Variants in BABAM2 observed in about 807,000 individuals in gnomAD.
The protein encoded by BABAM2 is BRISC and BRCA1-A complex member 2.
In BABAM2, 31 loss-of-function variants were observed where a neutral mutation model predicts 54.7. The observed-to-expected ratio is 0.57, with a 90% CI of 0.43 to 0.77. The LOEUF is 0.77. Among genes scored for constraint, BABAM2 ranks in the 30% least tolerant of loss-of-function variants. The pLI, the probability that BABAM2 is intolerant of heterozygous loss-of-function variation, is 0.00. For synonymous variants in BABAM2, 167 were observed against 162.9 expected (o/e 1.03, Z -0.19); for missense variants, 364 against 455.8 (o/e 0.80, Z 1.83).
intron 7 of BABAM2, among the ~76,000 whole-genome samples, chr2:28,175,045 A>G (rs1409982359): frequency 6.6e-6 from 1 of 152,148 alleles, no homozygotes; most frequent in African/African-American, 2.4e-5. Flanking sequence ...GCCTAAAGCT[A>G]TTGCCACTGA....
At chr2:27,997,969 A>G (rs1367016186) in intron 4 of BABAM2, among the ~76,000 whole-genome samples, 3 of 152,150 alleles carry the variant, frequency 2.0e-5, no homozygotes, top group Admixed American at 6.5e-5. Flanking sequence ...CCTGACCAAC[A>G]TGGTGAAACC....
In BABAM2 at chr2:28,058,578, C is replaced by T. The variant is rs759159824; in HGVS notation, c.570+12779C>T. 3.3e-4 allele frequency among the ~76,000 whole-genome samples: 50 copies of T among 150,638 alleles called. No homozygotes were observed. The Middle Eastern group carries it at 0.011, about 33-fold the overall frequency. On this transcript the variant is annotated intron_variant, in intron 6 of 11. Transcript: ENST00000379624. Reference sequence around the variant, plus strand: ...ATATATATATATGTATATATATAAACATTGTATAATTTTATATACCAGCTG... The same window carrying T: ...ATATATATATATGTATATATATAAATATTGTATAATTTTATATACCAGCTG...
chr2:28,081,270 C>T (rs1177436093), intron 6 of BABAM2, among the ~76,000 whole-genome samples: 1 of 152,126 alleles, frequency 6.6e-6, no homozygotes, highest in East Asian at 1.9e-4. Context: ...CTTCTCACAG[C>T]CCTTTAAGAT....
At chr2:28,139,321 CAAAAAAAAA>C (rs768755922) in intron 7 of BABAM2, among the ~76,000 whole-genome samples, 3 of 87,058 alleles carry the variant, frequency 3.4e-5, no homozygotes, top group Admixed American at 1.4e-4. Flanking sequence ...AACTCCGTCT[CAAAAAAAAA>C]AAAAAAAAAA....
At chr2:28,068,188 A>T (rs1663790876) in intron 6 of BABAM2, among the ~76,000 whole-genome samples, 1 of 152,226 alleles carries the variant, frequency 6.6e-6, no homozygotes, top group African/African-American at 2.4e-5. Context: ...AGACTACCGT[A>T]ATAAAGAATA....
At chr2:28,199,694 GA>G (rs1485308863) in intron 7 of BABAM2, among the ~76,000 whole-genome samples, 8 of 152,172 alleles carry the variant, frequency 5.3e-5, no homozygotes, top group Non-Finnish European at 1.0e-4. Flanking sequence ...AACAGAAAAC[GA>G]ACTTCTGTGG....
chr2:28,152,605 T>C (rs1672162369), intron 7 of BABAM2, among the ~76,000 whole-genome samples: 1 of 152,040 alleles, frequency 6.6e-6, no homozygotes, highest in African/African-American at 2.4e-5. Context: ...TGGAGAGAGC[T>C]CAGGATGAAT....
chr2:28,220,083 G>A (rs1375488936), intron 7 of BABAM2, among the ~76,000 whole-genome samples: 3 of 152,202 alleles, frequency 2.0e-5, no homozygotes, highest in Admixed American at 2.0e-4. Context: ...ACAAGTTTGT[G>A]TGGTAAGATT....
chr2:28,125,545 G>A (rs539148123), intron 6 of BABAM2, among the ~76,000 whole-genome samples: 4 of 151,992 alleles, frequency 2.6e-5, no homozygotes, highest in East Asian at 1.9e-4. Context: ...CACCCACCTC[G>A]GCCTCCCAAA....
chr2:28,241,331 C>T lies in BABAM2; in HGVS notation c.789C>T (p.Tyr263=), dbSNP rs28997579. ...TTGGGTTTCTATTCCAGGTGCAGTA[C>T]GTGATTCAAGGGTATCACAAAAGAA... ...VCHLLTNKVQ[Y]VIQGYHKRRE... The change falls in exon 9 of 12, where the codon TAC becomes TAT. Residue 263 remains tyrosine, a synonymous_variant. Coordinates refer to ENST00000379624, the MANE Select transcript of BABAM2 (RefSeq NM_199191.3). The T allele has an allele frequency of 0.017, 27,945 of 1,613,606 alleles. 286 individuals are homozygous for T. The highest frequency in any genetic ancestry group is 0.021 in the Non-Finnish European group (24,248 of 1,179,566).
At chr2:28,310,507 A>G (rs1283754131) in intron 11 of BABAM2, 3 of 201,676 alleles carry the variant, frequency 1.5e-5, no homozygotes, top group Non-Finnish European at 3.1e-5. Flanking sequence ...TCAGTGGAAA[A>G]CAGTTAGGGC....
chr2:28,093,606 C>T (rs1666347316), intron 6 of BABAM2, among the ~76,000 whole-genome samples: 1 of 152,138 alleles, frequency 6.6e-6, no homozygotes, highest in Non-Finnish European at 1.5e-5. Flanking sequence ...ACGTTAATTT[C>T]CTTGTAGGTT....
chr2:28,284,054 C>G (rs1304146044), intron 10 of BABAM2, among the ~76,000 whole-genome samples: 1 of 152,184 alleles, frequency 6.6e-6, no homozygotes. Flanking sequence ...AGTCAGGCAA[C>G]TCACTCAAGT....
At chr2:28,297,084 TTG>T (rs2148238535) in intron 10 of BABAM2, among the ~76,000 whole-genome samples, 1 of 152,292 alleles carries the variant, frequency 6.6e-6, no homozygotes, top group South Asian at 2.1e-4. Context: ...GCTTCCTAAA[TTG>T]TGACATAGTG....
chr2:28,159,161 A>G (rs1011852952), intron 7 of BABAM2, among the ~76,000 whole-genome samples: 15 of 152,196 alleles, frequency 9.9e-5, no homozygotes, highest in African/African-American at 3.6e-4. Context: ...CATTCAACCA[A>G]CAACATTTAT....
At chr2:28,323,156 G>A (rs12470242) in intron 11 of BABAM2, among the ~76,000 whole-genome samples, 36,346 of 152,174 alleles carry the variant, frequency 0.24, 5,217 homozygotes, top group East Asian at 0.57. Context: ...CCCAAATGCA[G>A]TCCCTTACCC....
intron 7 of BABAM2, among the ~76,000 whole-genome samples, chr2:28,146,891 C>T (rs1671540929): frequency 1.3e-5 from 2 of 152,114 alleles, no homozygotes; most frequent in South Asian, 2.1e-4. Flanking sequence ...TTCAGGACCC[C>T]CGAAGGGAGT....
intron 11 of BABAM2, chr2:28,308,289 C>T (rs540065783): frequency 1.0e-4 from 43 of 411,908 alleles, no homozygotes; most frequent in African/African-American, 8.0e-4. Context: ...CCACACATCA[C>T]CCACCTGCCA....
intron 6 of BABAM2, among the ~76,000 whole-genome samples, chr2:28,092,316 T>G (rs1044745639): frequency 2.0e-5 from 3 of 152,164 alleles, no homozygotes; most frequent in African/African-American, 4.8e-5. Flanking sequence ...ATGTACAAGA[T>G]CTAATGAAAT....
Sources: gnomAD v4.1 joint callset for allele counts (sites outside exome capture counted in the v4.1 genomes callset) on GRCh38, gnomAD v4.1.1 for gene constraint, MANE v1.5 for transcripts, NCBI Gene and HGNC (gene_info 2026-07-23, HGNC 2026-07-21) for gene names.